The following KCND2 variants were observed in gnomAD, a reference collection of about 807,000 sequenced individuals.
The protein encoded by KCND2 is A-type voltage-gated potassium channel KCND2.
Under a neutral mutation model 54.4 loss-of-function variants are expected in KCND2, and 16 were observed. The ratio of observed to expected loss-of-function variants is 0.29; its 90% CI spans 0.20 to 0.45. KCND2 has a LOEUF of 0.45. KCND2 is among the 20% of genes least tolerant of loss of function. The probability of loss-of-function intolerance (pLI) is 1.00; values close to 1 mark genes in which losing one functional copy is unlikely to be tolerated. For missense variants in KCND2, 486 were observed against 824.2 expected, an observed-to-expected ratio of 0.59 and a Z score of 5.02; for synonymous variants, 317 against 310.7, an observed-to-expected ratio of 1.02 and a Z score of -0.21.
chr7:120,610,582 C>A (rs1459847498), intron 1 of KCND2, among the ~76,000 whole-genome samples: 2 of 152,032 alleles, frequency 1.3e-5, no homozygotes, highest in Admixed American at 1.3e-4. Flanking sequence ...AGTAAGCTTC[C>A]ATGAGATGCC....
intron 1 of KCND2, among the ~76,000 whole-genome samples, chr7:120,699,268 T>C (rs1792371005): frequency 1.4e-5 from 2 of 147,958 alleles, no homozygotes; most frequent in Non-Finnish European, 3.0e-5. Context: ...GGCAACAGAG[T>C]GAGACTCCAT....
intron 1 of KCND2, among the ~76,000 whole-genome samples, chr7:120,726,574 A>C (rs949735432): frequency 6.6e-6 from 1 of 152,196 alleles, no homozygotes; most frequent in Non-Finnish European, 1.5e-5. Context: ...TAGGTCAATA[A>C]TTTAAACGCA....
In KCND2 at chr7:120,273,781, C is replaced by G. The variant is rs938113476; in HGVS notation, c.-852C>G. On this transcript the variant is annotated 5_prime_UTR_variant, in exon 1 of 6. Transcript: ENST00000331113. Reference sequence around the variant, plus strand: ...CTTGGCCAGGTATGTACCGCGGGAGCGGCGCGTTCTGCGCGGAAGCAGATG... The same window carrying G: ...CTTGGCCAGGTATGTACCGCGGGAGGGGCGCGTTCTGCGCGGAAGCAGATG... 4 of 152,806 alleles carry G rather than the reference C, an allele frequency of 2.6e-5. No homozygotes were observed. Among genetic ancestry groups the G allele is most frequent in the African/African-American group, 7.2e-5 (3 of 41,466 alleles). 9.5% of individuals were successfully genotyped at this position (152,806 alleles called of 1,614,324 possible). A position where few individuals can be genotyped will look rare whatever the true frequency, so the allele number is the denominator to read the frequency against.
At chr7:120,413,295 AC>A (rs1801476774) in intron 1 of KCND2, among the ~76,000 whole-genome samples, 1 of 152,178 alleles carries the variant, frequency 6.6e-6, no homozygotes, top group African/African-American at 2.4e-5. Context: ...TATCTACAGT[AC>A]CAAATATTAA....
chr7:120,439,019 A>G (rs571562176), intron 1 of KCND2, among the ~76,000 whole-genome samples: 8 of 152,232 alleles, frequency 5.3e-5, no homozygotes, highest in East Asian at 3.9e-4. Context: ...AAGAAGGTCA[A>G]TAGTGGAATA....
chr7:120,566,048 C>T (rs180884877), intron 1 of KCND2, among the ~76,000 whole-genome samples: 50 of 152,218 alleles, frequency 3.3e-4, no homozygotes, highest in Non-Finnish European at 5.9e-4. Flanking sequence ...TAAATAGAAA[C>T]GACCCCCAAG....
chr7:120,522,839 A>G (rs1791715505), intron 1 of KCND2, among the ~76,000 whole-genome samples: 1 of 152,334 alleles, frequency 6.6e-6, no homozygotes, highest in African/African-American at 2.4e-5. Flanking sequence ...AATAAAGTGA[A>G]TCTCTGTAAA....
At chr7:120,416,440 A>G (rs898714392) in intron 1 of KCND2, among the ~76,000 whole-genome samples, 1 of 152,198 alleles carries the variant, frequency 6.6e-6, no homozygotes, top group African/African-American at 2.4e-5. Context: ...TTGACATTCC[A>G]GATAAGATTA....
At chr7:120,488,434 T>C (rs1451540711) in intron 1 of KCND2, among the ~76,000 whole-genome samples, 1 of 151,934 alleles carries the variant, frequency 6.6e-6, no homozygotes, top group Non-Finnish European at 1.5e-5. Flanking sequence ...ACGAATGTGC[T>C]CTTGATTTGG....
chr7:120,276,036 T>C (rs1799168244), intron 1 of KCND2, among the ~76,000 whole-genome samples: 1 of 152,100 alleles, frequency 6.6e-6, no homozygotes, highest in African/African-American at 2.4e-5. Flanking sequence ...TTTATATTAA[T>C]ATATAAAAAT....
chr7:120,335,841 C>T (rs941949826), intron 1 of KCND2, among the ~76,000 whole-genome samples: 1 of 152,076 alleles, frequency 6.6e-6, no homozygotes, highest in South Asian at 2.1e-4. Context: ...AATAGTATGG[C>T]GATTGCCATT....
intron 1 of KCND2, among the ~76,000 whole-genome samples, chr7:120,553,556 T>A (rs1371462046): frequency 6.6e-6 from 1 of 152,194 alleles, no homozygotes; most frequent in Non-Finnish European, 1.5e-5. Flanking sequence ...CTAGAAGGTA[T>A]CTTGCAATAC....
chr7:120,508,459 G>A (rs1406927556), intron 1 of KCND2, among the ~76,000 whole-genome samples: 1 of 151,878 alleles, frequency 6.6e-6, no homozygotes, highest in Non-Finnish European at 1.5e-5. Context: ...TTTCAAGGAA[G>A]GTAGCTGTAG....
At chr7:120,340,827 G>C (rs1800229234) in intron 1 of KCND2, among the ~76,000 whole-genome samples, 1 of 152,152 alleles carries the variant, frequency 6.6e-6, no homozygotes, top group African/African-American at 2.4e-5. Context: ...TTGTAAAAGG[G>C]AGAAGACAAC....
intron 1 of KCND2, among the ~76,000 whole-genome samples, chr7:120,432,691 C>A (rs142625813): frequency 2.0e-3 from 300 of 152,236 alleles, no homozygotes; most frequent in Middle Eastern, 0.01. Context: ...GTCTCCCAGG[C>A]TGGACTGCAC....
Position 120,584,579 on chromosome 7 carries a change from A to G in KCND2, c.1116-148324A>G, listed in dbSNP as rs548257244. On this transcript the variant is annotated intron_variant, in intron 1 of 5. Coordinates refer to ENST00000331113, the MANE Select transcript of KCND2 (RefSeq NM_012281.3). Reference sequence around the variant, plus strand: ...GCATTATAAAGGGGCTCATTTAGGAATTAGCTACCTGCAGAACATCTTCAT... The same window carrying G: ...GCATTATAAAGGGGCTCATTTAGGAGTTAGCTACCTGCAGAACATCTTCAT... Among the ~76,000 whole-genome samples the G allele has an allele frequency of 7.2e-5, 11 of 152,372 alleles. No homozygotes were observed. The South Asian group carries it at 2.1e-3, about 29-fold the overall frequency.
intron 1 of KCND2, among the ~76,000 whole-genome samples, chr7:120,373,338 T>TTC (rs1211816354): frequency 6.6e-6 from 1 of 151,838 alleles, no homozygotes; most frequent in Non-Finnish European, 1.5e-5. Context: ...CTGCTATTTC[T>TTC]TACTGGTATA....
At chr7:120,556,497 A>G (rs1026468166) in intron 1 of KCND2, among the ~76,000 whole-genome samples, 6 of 152,196 alleles carry the variant, frequency 3.9e-5, no homozygotes, top group Non-Finnish European at 7.3e-5. Flanking sequence ...CTGTTTCAAC[A>G]TTTAAGGATC....
chr7:120,363,429 A>C (rs994494152), intron 1 of KCND2, among the ~76,000 whole-genome samples: 5 of 152,090 alleles, frequency 3.3e-5, no homozygotes. Flanking sequence ...TAGAAACCCT[A>C]TCCTTCCAAT....
Sources: gnomAD v4.1 joint callset for allele counts (sites outside exome capture counted in the v4.1 genomes callset) on GRCh38, gnomAD v4.1.1 for gene constraint, MANE v1.5 for transcripts, NCBI Gene and HGNC (gene_info 2026-07-23, HGNC 2026-07-21) for gene names.